Variants in LMO7 observed in about 807,000 individuals in gnomAD.
LMO7 encodes the protein LIM domain only protein 7.
In LMO7, 120 loss-of-function variants were observed where a neutral mutation model predicts 206.5. The ratio of observed to expected loss-of-function variants is 0.58; its 90% confidence interval spans 0.50 to 0.68. LMO7 has a LOEUF of 0.68. Ranked by LOEUF, LMO7 falls within the 30% of genes least tolerant of loss-of-function variation. The pLI is 0.00. For missense variants in LMO7, 1,959 were observed against 1,957.9 expected (o/e 1.00, Z -0.01); for synonymous variants, 706 against 681.5 (o/e 1.04, Z -0.56).
At chr13:75,763,154 C>T (rs1288905892) in intron 4 of LMO7, among the ~76,000 whole-genome samples, 2 of 152,048 alleles carry the variant, frequency 1.3e-5, no homozygotes, top group Non-Finnish European at 2.9e-5. Flanking sequence ...GTTTTGCCAA[C>T]CAGGGGATGT....
intron 1 of LMO7, among the ~76,000 whole-genome samples, chr13:75,663,465 C>G (rs1427967779): frequency 4.6e-5 from 5 of 108,564 alleles, no homozygotes; most frequent in Admixed American, 3.9e-4. Flanking sequence ...GAGCCTCGCT[C>G]TGTCGCCCAG....
intron 1 of LMO7, among the ~76,000 whole-genome samples, chr13:75,650,090 T>C (rs920682190): frequency 2.0e-5 from 3 of 152,160 alleles, no homozygotes; most frequent in Non-Finnish European, 4.4e-5. Context: ...CCCAAAGTGC[T>C]GGGGTTACAG....
At chr13:75,723,110 T>C (rs2044162931) in intron 2 of LMO7, among the ~76,000 whole-genome samples, 1 of 151,916 alleles carries the variant, frequency 6.6e-6, no homozygotes, top group South Asian at 2.1e-4. Context: ...TAGAAATCAC[T>C]ACTAAAGAAC....
chr13:75,698,554 G>A (rs994681899), intron 1 of LMO7, among the ~76,000 whole-genome samples: 1 of 151,176 alleles, frequency 6.6e-6, no homozygotes, highest in Non-Finnish European at 1.5e-5. Flanking sequence ...CTCCCAAAGT[G>A]CTGGAATTAC....
chr13:75,636,587 G>A lies in LMO7; in HGVS notation c.-71G>A, dbSNP rs913954472. 2.6e-6 allele frequency: 4 copies of A among 1,541,040 alleles called. No individual in the cohort carries two copies. The highest frequency in any genetic ancestry group is 3.9e-5 in the Admixed American group (2 of 50,910). On this transcript the variant is annotated 5_prime_UTR_variant, in exon 1 of 31. Coordinates refer to ENST00000377534, the MANE Select transcript of LMO7 (RefSeq NM_001306080.2). ...CCCGCGTGCCCTCCCCGCCCGTGGG[G>A]CCCAGACGCGCGGGGACAACCCCTC... is the stretch of plus-strand genomic sequence containing the variant.
intron 3 of LMO7, among the ~76,000 whole-genome samples, chr13:75,748,987 T>C (rs1323030846): frequency 6.6e-6 from 1 of 151,992 alleles, no homozygotes; most frequent in Non-Finnish European, 1.5e-5. Flanking sequence ...TTAAGGTTTT[T>C]GTAGAGATGA....
At chr13:75,660,552 G>A (rs1038436653) in intron 1 of LMO7, among the ~76,000 whole-genome samples, 4 of 152,152 alleles carry the variant, frequency 2.6e-5, no homozygotes, top group African/African-American at 7.2e-5. Flanking sequence ...CTGATGGGGT[G>A]CAGTGCTTCT....
At position 75,757,821 on chromosome 13, in the gene LMO7, TGTGTGTGTGTGTGTGTG is replaced by T. The variant is rs1322863697; in HGVS notation, c.211-3110_211-3094del. On this transcript the variant is annotated intron_variant, in intron 3 of 30. Coordinates refer to ENST00000377534, the MANE Select transcript of LMO7 (RefSeq NM_001306080.2). ...GTGTGTGTGTGTGTGTGTGTGTGTGTGTGTGTGTGTGTGTGTGTGTATGTTGGTTTGTCTTTGAGAAG... is the reference window on the plus strand; with the variant it reads ...GTGTGTGTGTGTGTGTGTGTGTGTGTTGTATGTTGGTTTGTCTTTGAGAAG... 3.3e-5 allele frequency among the ~76,000 whole-genome samples: 5 copies of T among 149,376 alleles called. No individual in the cohort carries two copies. The South Asian group carries it at 1.1e-3, about 32-fold the overall frequency.
At position 75,853,403 on chromosome 13, in the gene LMO7, G is replaced by T; in HGVS notation, c.4661+15G>T. ...CTGCGTAACAGGTGAGGCCCTTGCTGTTTCTCTTTCTTCTCTTAGTCTTGG... is the reference window on the plus strand; with the variant it reads ...CTGCGTAACAGGTGAGGCCCTTGCTTTTTCTCTTTCTTCTCTTAGTCTTGG... On this transcript the variant is annotated intron_variant, in intron 28 of 30. Transcript: ENST00000377534. 2.6e-6 allele frequency: 4 copies of T among 1,538,766 alleles called. No individual in the cohort carries two copies. Among genetic ancestry groups the T allele is most frequent in the African/African-American group, 1.4e-5 (1 of 71,870 alleles).
At position 75,813,348 on chromosome 13, in the gene LMO7, G is replaced by A. The variant is rs563537276; in HGVS notation, c.1947-3813G>A. On this transcript the variant is annotated intron_variant, in intron 11 of 30. Transcript: ENST00000377534. The stretch of plus-strand genomic sequence containing the variant: ...ATGAGAATTAGTATATGGCCCAGAC[G>A]GTTTTAAAAATGCTACCCACACAGC... 4.6e-5 allele frequency among the ~76,000 whole-genome samples: 7 copies of A among 152,238 alleles called. No individual in the cohort carries two copies. In the East Asian group the frequency reaches 7.7e-4, roughly 17 times the overall value.
intron 2 of LMO7, among the ~76,000 whole-genome samples, chr13:75,715,005 G>A (rs1165171172): frequency 1.3e-5 from 2 of 152,140 alleles, no homozygotes; most frequent in Admixed American, 6.5e-5. Flanking sequence ...ATTTACAAAA[G>A]CATATATCTC....
intron 1 of LMO7, among the ~76,000 whole-genome samples, chr13:75,654,056 A>C (rs1332012768): frequency 2.0e-5 from 3 of 152,190 alleles, no homozygotes; most frequent in African/African-American, 7.2e-5. Flanking sequence ...TCTCACTCTC[A>C]TCATGACTAC....
intron 1 of LMO7, among the ~76,000 whole-genome samples, chr13:75,639,274 A>G (rs1475717972): frequency 1.3e-5 from 2 of 152,136 alleles, no homozygotes; most frequent in African/African-American, 4.8e-5. Flanking sequence ...CACTTTATGA[A>G]TCTTGTTTTT....
At chr13:75,678,038 A>G (rs1441309394) in intron 1 of LMO7, among the ~76,000 whole-genome samples, 1 of 151,990 alleles carries the variant, frequency 6.6e-6, no homozygotes, top group Non-Finnish European at 1.5e-5. Flanking sequence ...AATCCAGTCT[A>G]TCATTGTTGG....
chr13:75,781,059 T>A (rs1476135050), intron 4 of LMO7, among the ~76,000 whole-genome samples: 1 of 150,448 alleles, frequency 6.6e-6, no homozygotes, highest in East Asian at 1.9e-4. Flanking sequence ...GAAAAGATGA[T>A]GTCTTGGGAG....
At chr13:75,823,508 A>G in intron 14 of LMO7, 57 bp from the exon 15 acceptor site, 2 of 1,325,152 alleles carry the variant, frequency 1.5e-6, no homozygotes, top group South Asian at 2.8e-5. Context: ...AACAACTTTT[A>G]AAAACAGAAA....
At chr13:75,625,428 TG>T (rs1226127593) in intron 2 of LMO7, among the ~76,000 whole-genome samples, 16 of 1,922 alleles carry the variant, frequency 8.3e-3, no homozygotes, top group Non-Finnish European at 0.046. Flanking sequence ...TGTGTGTGCA[TG>T]TGTGTGTGTG....
At chr13:75,721,136 T>G (rs2043986167) in intron 2 of LMO7, among the ~76,000 whole-genome samples, 1 of 152,224 alleles carries the variant, frequency 6.6e-6, no homozygotes, top group Non-Finnish European at 1.5e-5. Flanking sequence ...TATCAAGGTT[T>G]GACTTTTCTG....
chr13:75,716,011 G>A (rs1044013430), intron 2 of LMO7, among the ~76,000 whole-genome samples: 6 of 152,102 alleles, frequency 3.9e-5, no homozygotes, highest in African/African-American at 7.2e-5. Context: ...ATTCATTTTC[G>A]TACAGGAAAA....
Sources: gnomAD v4.1 joint callset for allele counts (sites outside exome capture counted in the v4.1 genomes callset) on GRCh38, gnomAD v4.1.1 for gene constraint, MANE v1.5 for transcripts, NCBI Gene and HGNC (gene_info 2026-07-23, HGNC 2026-07-21) for gene names.